B4GALNT2: variants seen among roughly 807,000 people sequenced by gnomAD.
B4GALNT2 encodes the protein beta-1,4-N-acetyl-galactosaminyltransferase 2 (SID blood group), also known as N-acetylneuraminylgalactosylglucosyl-glucoside beta-1,4-N- acetylgalactosaminyltransferase 2.
In B4GALNT2, 42 loss-of-function variants were observed where a neutral mutation model predicts 51.1. The observed-to-expected ratio is 0.82, with a 90% confidence interval of 0.64 to 1.06. The LOEUF (loss-of-function observed/expected upper bound fraction) is 1.06, where lower values mean the gene tolerates loss of function less well. Ranked by LOEUF, B4GALNT2 falls within the 50% of genes least tolerant of loss-of-function variation. B4GALNT2 has a pLI of 0.00. For synonymous variants in B4GALNT2, 253 were observed against 251.7 expected (o/e 1.01, Z -0.05); for missense variants, 602 against 633.6 (o/e 0.95, Z 0.54).
At position 49,173,924 on chromosome 17, in the gene B4GALNT2, G is replaced by T. The variant is rs2042972822; in HGVS notation, c.*4196G>T. 6.6e-6 allele frequency: 1 copy of T among 152,122 alleles called. No individual in the cohort carries two copies. Among genetic ancestry groups the T allele is most frequent in the Non-Finnish European group, 1.5e-5 (1 of 68,022 alleles). The allele number at this position is 152,122 out of a possible 1,614,324, so 9.4% of individuals were successfully genotyped here. The stretch of plus-strand genomic sequence containing the variant: ...TCTGCATCAGCTTCTTTTGTTAATT[G>T]CCGAGGGCTATGAGACTAGCATCTC... On this transcript the variant is annotated 3_prime_UTR_variant, in exon 11 of 11. Coordinates refer to ENST00000393354, the MANE Select transcript of B4GALNT2 (RefSeq NM_001159387.2).
At position 49,160,633 on chromosome 17, in the gene B4GALNT2, C is replaced by T. The variant is rs2042855360; in HGVS notation, c.758C>T (p.Pro253Leu). The T allele has an allele frequency of 1.2e-6, 2 of 1,613,956 alleles. No homozygotes were observed. The highest frequency in any genetic ancestry group is 2.2e-5 in the South Asian group (2 of 91,070). ...CCTGTCATACCCAAGCTATACGACC[C>T]TGGACCAGGTAAGGCCCTTGTCCTT... ...RHPVIPKLYD[P>L]GPERKLRNLV... is the part of the protein sequence containing the mutation. Residue 253 changes from proline to leucine, a missense_variant, in exon 7 of 11, where the codon CCT becomes CTT. By Grantham distance (98) the Pro-to-Leu change is moderately conservative (BLOSUM62 -3). Transcript: ENST00000393354.
chr17:49,151,111 AC>A (rs2144306829), intron 3 of B4GALNT2, among the ~76,000 whole-genome samples: 1 of 108 alleles, frequency 9.3e-3, no homozygotes, highest in East Asian at 0.25. Flanking sequence ...GCGGTGGCTC[AC>A]GCCTGTAATC....
chr17:49,164,142 A>G lies in B4GALNT2; in HGVS notation c.821A>G (p.His274Arg), dbSNP rs868395683. ...GCTACCAAGACTTTCCTCCGCCCCC[A>G]CAAGCTCATGATCATGCTCCGGAGT... ...TIATKTFLRP[H>R]KLMIMLRSIR... Residue 274 changes from histidine (H) to arginine (R), a missense_variant, in exon 8 of 11, where the codon CAC becomes CGC. Coordinates refer to ENST00000393354, the MANE Select transcript of B4GALNT2 (RefSeq NM_001159387.2). 1.2e-6 allele frequency: 2 copies of G among 1,614,086 alleles called. No homozygotes were observed. Among genetic ancestry groups the G allele is most frequent in the Non-Finnish European group, 1.7e-6 (2 of 1,179,998 alleles).
At chr17:49,151,995 C>T (rs2042761429) in intron 3 of B4GALNT2, among the ~76,000 whole-genome samples, 1 of 152,108 alleles carries the variant, frequency 6.6e-6, no homozygotes, top group South Asian at 2.1e-4. Context: ...TCAGATGTGA[C>T]TTTGGTGTTT....
intron 4 of B4GALNT2, among the ~76,000 whole-genome samples, chr17:49,153,507 ATT>A (rs569207630): frequency 4.1e-5 from 6 of 145,962 alleles, no homozygotes; most frequent in African/African-American, 1.5e-4. Context: ...GCTTGATGTG[ATT>A]TTTTTTTTTT....
In B4GALNT2 at chr17:49,142,121, T is replaced by G. The variant is rs750335597; in HGVS notation, c.302T>G (p.Leu101Arg). 1.2e-6 allele frequency: 2 copies of G among 1,614,036 alleles called. No individual in the cohort carries two copies. The highest frequency in any genetic ancestry group is 2.2e-5 in the South Asian group (2 of 91,072). Residue 101 changes from leucine to arginine, a missense_variant, in exon 3 of 11, where the codon CTC becomes CGC. Leu to Arg is a moderately radical substitution (Grantham distance 102, BLOSUM62 -2). Transcript: ENST00000393354. ...CAGGATGCCTATGGCCAGAGCGACC[T>G]CCCAGCGGTGAAAGCGAGGAGACAG... ...NFQDAYGQSD[L>R]PAVKARRQAE...
chr17:49,128,322 G>A (rs1219439754), upstream of B4GALNT2, among the ~76,000 whole-genome samples: 1 of 152,206 alleles, frequency 6.6e-6, no homozygotes, highest in Non-Finnish European at 1.5e-5. Flanking sequence ...TGGAGAAGGA[G>A]GGGAAGCGGG....
chr17:49,135,830 G>A (rs933458253), intron 1 of B4GALNT2, among the ~76,000 whole-genome samples: 5 of 151,556 alleles, frequency 3.3e-5, no homozygotes, highest in Non-Finnish European at 7.4e-5. Flanking sequence ...TTGGGAGGCC[G>A]AGGCGGGCGG....
At position 49,169,762 on chromosome 17, in the gene B4GALNT2, C is replaced by A; in HGVS notation, c.*34C>A. ...GGGCATAGGAGAAACACTAGGCTGGCTGGTTATGGTATCTATAGCAGGCCA... is the reference window on the plus strand; with the variant it reads ...GGGCATAGGAGAAACACTAGGCTGGATGGTTATGGTATCTATAGCAGGCCA... On this transcript the variant is annotated 3_prime_UTR_variant, in exon 11 of 11. Coordinates refer to ENST00000393354, the MANE Select transcript of B4GALNT2 (RefSeq NM_001159387.2). The A allele has an allele frequency of 1.3e-6, 2 of 1,512,928 alleles. No individual in the cohort carries two copies. Among genetic ancestry groups the A allele is most frequent in the Non-Finnish European group, 1.8e-6 (2 of 1,125,550 alleles). The allele number at this position is 1,512,928 out of a possible 1,614,324, so 93.7% of individuals were successfully genotyped here.
the B4GALNT2 span, among the ~76,000 whole-genome samples, chr17:49,123,036 G>T: frequency 6.6e-6 from 1 of 152,174 alleles, no homozygotes; most frequent in Non-Finnish European, 1.5e-5. Flanking sequence ...TATTTTTTAT[G>T]ATTTTCAGCT....
intron 2 of B4GALNT2, 62 bp downstream of exon 2, chr17:49,141,509 G>T (rs1345379839): frequency 1.3e-6 from 2 of 1,532,252 alleles, no homozygotes; most frequent in African/African-American, 2.7e-5. Flanking sequence ...TCCTCCTCAA[G>T]TACCATGCCC....
At chr17:49,129,880 G>A (rs1476115093), upstream of B4GALNT2, among the ~76,000 whole-genome samples, 1 of 152,192 alleles carries the variant, frequency 6.6e-6, no homozygotes, top group African/African-American at 2.4e-5. Flanking sequence ...TTAGGCTGAT[G>A]CCCTTTGGAT....
rs543709880 is a variant in B4GALNT2, at chr17:49,141,508, A to G, written c.215+61A>G. 23 of 1,534,412 alleles carry G rather than the reference A, an allele frequency of 1.5e-5. No homozygotes were observed. The African/African-American group carries it at 2.9e-4, about 19-fold the overall frequency. Reference sequence around the variant, plus strand: ...CACACATCTTCCTTGCTCCTCCTCAAGTACCATGCCCTACTGTGCCCATTG... The same window carrying G: ...CACACATCTTCCTTGCTCCTCCTCAGGTACCATGCCCTACTGTGCCCATTG... On this transcript the variant is annotated intron_variant, in intron 2 of 10. Coordinates refer to ENST00000393354, the MANE Select transcript of B4GALNT2 (RefSeq NM_001159387.2).
chr17:49,148,419 A>G (rs995244278), intron 3 of B4GALNT2: 5 of 302,138 alleles, frequency 1.7e-5, no homozygotes, highest in Middle Eastern at 1.1e-3. Context: ...CAGCCTCGGC[A>G]TTCTTGTTGG....
chr17:49,134,411 T>G (rs12450855), intron 1 of B4GALNT2, among the ~76,000 whole-genome samples: 49,357 of 151,966 alleles, frequency 0.32, 8,157 homozygotes, highest in Admixed American at 0.42. Flanking sequence ...ACTATATTAT[T>G]ATCATTATTT....
At chr17:49,133,479 C>T (rs1465347762) in intron 1 of B4GALNT2, among the ~76,000 whole-genome samples, 1 of 152,178 alleles carries the variant, frequency 6.6e-6, no homozygotes, top group African/African-American at 2.4e-5. Flanking sequence ...ATCAGACATA[C>T]ATTTGGTATT....
chr17:49,124,587 A>T, the B4GALNT2 span, among the ~76,000 whole-genome samples: 5 of 152,226 alleles, frequency 3.3e-5, no homozygotes. Flanking sequence ...TAACATATTT[A>T]TACAAATATA....
At chr17:49,168,101 T>C (rs1237967149) in intron 9 of B4GALNT2, among the ~76,000 whole-genome samples, 1 of 152,168 alleles carries the variant, frequency 6.6e-6, no homozygotes, top group East Asian at 1.9e-4. Flanking sequence ...TGGGGGACAA[T>C]GAGCAGACTT....
At chr17:49,130,149 T>C (rs1173278498), upstream of B4GALNT2, among the ~76,000 whole-genome samples, 11 of 152,254 alleles carry the variant, frequency 7.2e-5, no homozygotes, top group Admixed American at 2.0e-4. Context: ...GGGTTCACCT[T>C]GGAACCACAA....
Sources: gnomAD v4.1 joint callset for allele counts (sites outside exome capture counted in the v4.1 genomes callset) on GRCh38, gnomAD v4.1.1 for gene constraint, MANE v1.5 for transcripts, NCBI Gene and HGNC (gene_info 2026-07-23, HGNC 2026-07-21) for gene names.